The following SYNDIG1 variants were observed in gnomAD, a reference collection of about 807,000 sequenced individuals.
SYNDIG1 encodes synapse differentiation inducing 1.
A neutral mutation model predicts 19.4 loss-of-function variants in SYNDIG1; 9 were observed. The ratio of observed to expected loss-of-function variants is 0.46; its 90% CI spans 0.28 to 0.81. The LOEUF is 0.81. Among genes scored for constraint, SYNDIG1 ranks in the 30% least tolerant of loss-of-function variants. The pLI, the probability that SYNDIG1 is intolerant of heterozygous loss-of-function variation, is 0.12. For missense variants in SYNDIG1, 311 were observed against 343.3 expected (o/e 0.91, Z 0.74); for synonymous variants, 141 against 145.9 (o/e 0.97, Z 0.24).
In SYNDIG1 at chr20:24,658,363, C is replaced by T. The variant is rs954772445; in HGVS notation, c.619-6983C>T. ...GAGCTCGGTGGAGTGGACTCTGCCT[C>T]GGGGTCACTGAGAACTGGGTCCCTG... On this transcript the variant is annotated intron_variant, in intron 3 of 3. Coordinates refer to ENST00000376862, the MANE Select transcript of SYNDIG1 (RefSeq NM_024893.3). The surrounding 1 kb of genome is among the most constrained non-coding windows in gnomAD (Gnocchi z 4.4). 9.9e-5 allele frequency among the ~76,000 whole-genome samples: 15 copies of T among 152,056 alleles called. No homozygotes were observed. The East Asian group carries it at 1.7e-3, about 18-fold the overall frequency.
intron 1 of SYNDIG1, among the ~76,000 whole-genome samples, chr20:24,474,966 G>T (rs1295473161): frequency 6.6e-6 from 1 of 152,172 alleles, no homozygotes; most frequent in Non-Finnish European, 1.5e-5. Context: ...TTAAACTACA[G>T]ATCTTTCTGA....
chr20:24,605,609 G>T (rs2058746638), intron 3 of SYNDIG1, among the ~76,000 whole-genome samples: 1 of 152,222 alleles, frequency 6.6e-6, no homozygotes. Flanking sequence ...CCATGCTGCA[G>T]TTAGTTACTG....
intron 2 of SYNDIG1, 84 bp from the exon 3 acceptor site, chr20:24,584,772 G>T: frequency 1.3e-6 from 2 of 1,593,734 alleles, no homozygotes. Flanking sequence ...GCCAGCCAGG[G>T]GTCATCCCAC....
intron 1 of SYNDIG1, among the ~76,000 whole-genome samples, chr20:24,490,026 G>A (rs2056102060): frequency 1.3e-5 from 2 of 152,210 alleles, no homozygotes; most frequent in Admixed American, 6.5e-5. Flanking sequence ...ACAAATAACA[G>A]AAGAGAGAGG....
At chr20:24,538,387 A>G (rs2057402981) in intron 1 of SYNDIG1, among the ~76,000 whole-genome samples, 1 of 152,134 alleles carries the variant, frequency 6.6e-6, no homozygotes, top group Non-Finnish European at 1.5e-5. Flanking sequence ...TATTTCACTT[A>G]GAGTAATGTC....
At chr20:24,590,527 C>A (rs1600698989) in intron 3 of SYNDIG1, among the ~76,000 whole-genome samples, 1 of 152,122 alleles carries the variant, frequency 6.6e-6, no homozygotes, top group African/African-American at 2.4e-5. Context: ...AACGCAGAAC[C>A]GTGGAGTCCT....
At chr20:24,646,015 C>T (rs2059419513) in intron 3 of SYNDIG1, among the ~76,000 whole-genome samples, 1 of 152,182 alleles carries the variant, frequency 6.6e-6, no homozygotes, top group Admixed American at 6.5e-5. Flanking sequence ...GAGCCACCTC[C>T]ATCCACCTGG....
chr20:24,625,856 C>T (rs1167311662), intron 3 of SYNDIG1, among the ~76,000 whole-genome samples: 2 of 152,190 alleles, frequency 1.3e-5, no homozygotes, highest in African/African-American at 4.8e-5. Flanking sequence ...GTCATCATGG[C>T]CTGTTCTCAA....
intron 2 of SYNDIG1, among the ~76,000 whole-genome samples, chr20:24,576,137 A>G (rs2058224292): frequency 6.6e-6 from 1 of 152,200 alleles, no homozygotes; most frequent in African/African-American, 2.4e-5. Context: ...CCCACCACTG[A>G]TGGCAGAGGG....
intron 3 of SYNDIG1, among the ~76,000 whole-genome samples, chr20:24,600,595 A>T (rs1600718319): frequency 6.9e-6 from 1 of 145,940 alleles, no homozygotes; most frequent in African/African-American, 2.6e-5. Flanking sequence ...TCATGTCTTC[A>T]TCTTTCTTTC....
intron 2 of SYNDIG1, among the ~76,000 whole-genome samples, chr20:24,578,848 T>C (rs1305508049): frequency 6.6e-6 from 1 of 152,198 alleles, no homozygotes; most frequent in Non-Finnish European, 1.5e-5. Context: ...CTTTTGTGCC[T>C]TTCCACAGTG....
At chr20:24,488,811 T>A (rs1316376649) in intron 1 of SYNDIG1, among the ~76,000 whole-genome samples, 2 of 152,188 alleles carry the variant, frequency 1.3e-5, no homozygotes, top group Admixed American at 6.5e-5. Flanking sequence ...CTGAAACACC[T>A]CTCCAGTATC....
At chr20:24,585,117 G>T in intron 3 of SYNDIG1, 124 bp downstream of exon 3, 1 of 1,302,818 alleles carries the variant, frequency 7.7e-7, no homozygotes, top group Non-Finnish European at 1.1e-6. Context: ...AGCTGGGTCG[G>T]CACTTGCCCA....
At chr20:24,499,677 C>T (rs1407218569) in intron 1 of SYNDIG1, among the ~76,000 whole-genome samples, 1 of 152,166 alleles carries the variant, frequency 6.6e-6, no homozygotes, top group Admixed American at 6.5e-5. Flanking sequence ...TTGCCAAGAA[C>T]CTAACTGTCC....
rs115957855 is a variant in SYNDIG1 at position 24,538,006 on chromosome 20, C to A, written c.-78-5014C>A. The stretch of plus-strand genomic sequence containing the variant: ...TTTAAACAAGTCCCAGACAGTGTAT[C>A]TTTTATTTCATCTGTAAATACTTTA... On this transcript the variant is annotated intron_variant, in intron 1 of 3. Coordinates refer to ENST00000376862, the MANE Select transcript of SYNDIG1 (RefSeq NM_024893.3). Among the ~76,000 whole-genome samples, 345 of 152,248 alleles carry A rather than the reference C, an allele frequency of 2.3e-3. 1 individual carries two copies. Among genetic ancestry groups the A allele is most frequent in the African/African-American group, 8.1e-3 (338 of 41,556 alleles).
chr20:24,550,135 C>T (rs1198273364), intron 2 of SYNDIG1, among the ~76,000 whole-genome samples: 1 of 152,184 alleles, frequency 6.6e-6, no homozygotes, highest in East Asian at 1.9e-4. Flanking sequence ...GAGGATGGGG[C>T]TTTGCCAGGA....
intron 2 of SYNDIG1, among the ~76,000 whole-genome samples, chr20:24,566,853 C>T (rs1156282916): frequency 6.6e-6 from 1 of 152,210 alleles, no homozygotes; most frequent in African/African-American, 2.4e-5. Flanking sequence ...AGTCTGCATT[C>T]CTACGGCTGC....
chr20:24,517,052 CA>C (rs1434298775), intron 1 of SYNDIG1, among the ~76,000 whole-genome samples: 1 of 151,934 alleles, frequency 6.6e-6, no homozygotes, highest in African/African-American at 2.4e-5. Flanking sequence ...ATCGCAAGAA[CA>C]AAAAACCAAA....
At chr20:24,553,852 A>T (rs970044319) in intron 2 of SYNDIG1, among the ~76,000 whole-genome samples, 1 of 152,160 alleles carries the variant, frequency 6.6e-6, no homozygotes, top group Non-Finnish European at 1.5e-5. Context: ...GAAGAAAGTC[A>T]TTGGTAGCTT....
Sources: gnomAD v4.1 joint callset for allele counts (sites outside exome capture counted in the v4.1 genomes callset) on GRCh38, gnomAD v4.1.1 for gene constraint, Gnocchi (gnomAD v3.1) non-coding constraint, MANE v1.5 for transcripts, NCBI Gene and HGNC (gene_info 2026-07-23, HGNC 2026-07-21) for gene names.